The following MRPL33 variants were observed in gnomAD, a reference collection of about 807,000 sequenced individuals.
MRPL33 encodes mitochondrial ribosomal protein L33.
In MRPL33, 5 loss-of-function variants were observed where a neutral mutation model predicts 10.1. The ratio of observed to expected loss-of-function variants is 0.49; its 90% CI spans 0.26 to 1.04. The LOEUF (loss-of-function observed/expected upper bound fraction) is 1.04. MRPL33 is among the 50% of genes least tolerant of loss of function. MRPL33 has a pLI of 0.14. For synonymous variants in MRPL33, 24 were observed against 27.7 expected (o/e 0.87, Z 0.42); for missense variants, 79 against 78.1 (o/e 1.01, Z -0.04).
intron 3 of MRPL33, among the ~76,000 whole-genome samples, chr2:27,777,710 C>G (rs1204212963): frequency 6.6e-6 from 1 of 152,132 alleles, no homozygotes; most frequent in Non-Finnish European, 1.5e-5. Context: ...ATATTTTATT[C>G]TTTGAGTTAA....
chr2:27,774,963 T>A (rs968311454), intron 3 of MRPL33, among the ~76,000 whole-genome samples: 3 of 152,152 alleles, frequency 2.0e-5, no homozygotes, highest in African/African-American at 7.2e-5. Context: ...GACAAGTGTC[T>A]TAAGAAGGGG....
chr2:27,771,828 G>C (rs370629304), intron 1 of MRPL33, 29 bp downstream of exon 1: 5 of 1,610,470 alleles, frequency 3.1e-6, no homozygotes, highest in Non-Finnish European at 4.2e-6. Context: ...GCCGGTAGGG[G>C]TTACGGCGAG....
chr2:27,774,750 G>T (rs185586363), intron 3 of MRPL33, among the ~76,000 whole-genome samples: 33 of 152,328 alleles, frequency 2.2e-4, no homozygotes, highest in Admixed American at 6.5e-4. Context: ...TAGTCTGAGA[G>T]GGGGAGAAAA....
chr2:27,772,815 T>G (rs1228334267), intron 2 of MRPL33, 123 bp downstream of exon 2: 59 of 736,748 alleles, frequency 8.0e-5, no homozygotes, highest in Non-Finnish European at 1.2e-4. Context: ...AGAGTTGGTT[T>G]GTGGATTACT....
intron 3 of MRPL33, among the ~76,000 whole-genome samples, chr2:27,776,351 C>A (rs760756733): frequency 1.3e-5 from 2 of 152,256 alleles, no homozygotes; most frequent in Non-Finnish European, 2.9e-5. Flanking sequence ...GGGGCCTGCC[C>A]CCATTGCCCA....
chr2:27,772,085 A>G (rs1677061160), intron 1 of MRPL33: 1 of 434,004 alleles, frequency 2.3e-6, no homozygotes. Flanking sequence ...CCGTGTTAGG[A>G]GAATCTTTGT....
At chr2:27,774,568 GC>G in intron 3 of MRPL33, 38 bp downstream of exon 3, 10 of 1,537,238 alleles carry the variant, frequency 6.5e-6, no homozygotes, top group Non-Finnish European at 8.1e-6. Context: ...AAGGCCTGTT[GC>G]CCCCTTTGTA....
chr2:27,772,516 C>T (rs921683911), intron 1 of MRPL33, 158 bp from the exon 2 acceptor site: 4 of 596,404 alleles, frequency 6.7e-6, no homozygotes, highest in Non-Finnish European at 1.2e-5. Flanking sequence ...AAGGGGATCC[C>T]TAATAGATAG....
intron 1 of MRPL33, chr2:27,772,318 A>G (rs1174211644): frequency 3.9e-6 from 1 of 259,396 alleles, no homozygotes; most frequent in Non-Finnish European, 7.3e-6. Context: ...CAAAGGTTAA[A>G]CTTGTCAAAC....
At chr2:27,777,456 C>T (rs770187233) in intron 3 of MRPL33, among the ~76,000 whole-genome samples, 1 of 149,576 alleles carries the variant, frequency 6.7e-6, no homozygotes, top group Admixed American at 6.7e-5. Context: ...ACCAATCCCT[C>T]TACTAAACCA....
intron 3 of MRPL33, among the ~76,000 whole-genome samples, chr2:27,778,791 T>C (rs1358681653): frequency 6.6e-6 from 1 of 152,180 alleles, no homozygotes; most frequent in Non-Finnish European, 1.5e-5. Context: ...CAGCCTCAGG[T>C]GATATGACCA....
intron 3 of MRPL33, among the ~76,000 whole-genome samples, chr2:27,777,912 T>C (rs1245988532): frequency 6.6e-6 from 1 of 152,178 alleles, no homozygotes; most frequent in South Asian, 2.1e-4. Context: ...GGGGGAAATA[T>C]TTCTTGTCGT....
chr2:27,779,634 C>T lies in MRPL33; in HGVS notation c.*152C>T, dbSNP rs1677240014. Reference sequence around the variant, plus strand: ...AAGGCCATTGTGAAGGAAAACAATGCAGTGAAAGAAAGTTCTTCATATTAG... The same window carrying T: ...AAGGCCATTGTGAAGGAAAACAATGTAGTGAAAGAAAGTTCTTCATATTAG... On this transcript the variant is annotated 3_prime_UTR_variant, in exon 4 of 4. Transcript: ENST00000296102. 1.4e-6 allele frequency: 2 copies of T among 1,476,702 alleles called. No homozygotes were observed. The highest frequency in any genetic ancestry group is 2.3e-5 in the Admixed American group (1 of 42,574). The allele number at this position is 1,476,702 out of a possible 1,614,324, so 91.5% of individuals were successfully genotyped here.
At chr2:27,774,950 A>G (rs966401469) in intron 3 of MRPL33, among the ~76,000 whole-genome samples, 2 of 152,204 alleles carry the variant, frequency 1.3e-5, no homozygotes, top group African/African-American at 2.4e-5. Context: ...TGTTCTGGAA[A>G]CAGACAAGTG....
At chr2:27,779,085 C>T (rs1172702658) in intron 3 of MRPL33, among the ~76,000 whole-genome samples, 2 of 152,208 alleles carry the variant, frequency 1.3e-5, no homozygotes, top group African/African-American at 4.8e-5. Flanking sequence ...AGCTCCCAGT[C>T]TGTCCTTGCT....
intron 3 of MRPL33, among the ~76,000 whole-genome samples, chr2:27,775,922 G>A (rs188590558): frequency 1.1e-4 from 16 of 152,248 alleles, no homozygotes; most frequent in African/African-American, 3.6e-4. Flanking sequence ...GGATTGATAA[G>A]GTTTAGAATT....
intron 3 of MRPL33, among the ~76,000 whole-genome samples, chr2:27,778,438 G>GGTGT (rs367624835): frequency 1.3e-5 from 2 of 150,798 alleles, no homozygotes; most frequent in African/African-American, 4.9e-5. Flanking sequence ...AATAGGTAGG[G>GGTGT]GTGTGTGTGT....
At chr2:27,775,727 A>G (rs1163312836) in intron 3 of MRPL33, among the ~76,000 whole-genome samples, 1 of 152,218 alleles carries the variant, frequency 6.6e-6, no homozygotes, top group East Asian at 1.9e-4. Context: ...CACAGTTGTC[A>G]GCTTAAAGTT....
chr2:27,776,477 G>GA (rs1461811271), intron 3 of MRPL33, among the ~76,000 whole-genome samples: 1 of 152,236 alleles, frequency 6.6e-6, no homozygotes, highest in African/African-American at 2.4e-5. Context: ...AAGGAAACGT[G>GA]AAAAAATTCC....
Sources: allele counts gnomAD v4.1 joint callset (sites outside exome capture counted in the v4.1 genomes callset), GRCh38; gene constraint gnomAD v4.1.1; transcripts MANE v1.5; gene names NCBI Gene and HGNC (gene_info 2026-07-23, HGNC 2026-07-21).